The following EXOC6B variants were observed in gnomAD, a reference collection of about 807,000 sequenced individuals.
The protein encoded by EXOC6B is exocyst complex component 6B, also known as SEC15 homolog B.
EXOC6B carries 54 observed loss-of-function variants against 113.5 expected under a neutral mutation model. The observed-to-expected ratio is 0.48, with a 90% CI of 0.38 to 0.60. EXOC6B has a LOEUF of 0.60. Ranked by LOEUF, EXOC6B falls within the 20% of genes least tolerant of loss-of-function variation. EXOC6B has a pLI of 0.00. For synonymous variants in EXOC6B, 357 were observed against 339.0 expected (o/e 1.05, Z -0.58); for missense variants, 797 against 977.5 (o/e 0.82, Z 2.46).
intron 18 of EXOC6B, among the ~76,000 whole-genome samples, chr2:72,380,915 A>T (rs959272593): frequency 6.6e-6 from 1 of 152,342 alleles, no homozygotes; most frequent in East Asian, 1.9e-4. Flanking sequence ...AAACACTATG[A>T]TCAAATTATT....
At chr2:72,266,099 T>A (rs1487412585) in intron 20 of EXOC6B, among the ~76,000 whole-genome samples, 1 of 152,100 alleles carries the variant, frequency 6.6e-6, no homozygotes, top group African/African-American at 2.4e-5. Context: ...GTTGATGGGG[T>A]TGTTTGTTTT....
At chr2:72,193,957 G>A (rs1039057682) in intron 20 of EXOC6B, among the ~76,000 whole-genome samples, 1 of 152,164 alleles carries the variant, frequency 6.6e-6, no homozygotes, top group Non-Finnish European at 1.5e-5. Context: ...AATTATCTAT[G>A]CTGCTTTTAT....
In EXOC6B at chr2:72,698,613, G is replaced by GA. The variant is rs145074395; in HGVS notation, c.669+19489dup. ...ACTGTACAACAGAAATAAGGAGCAA[G>GA]AAAAAAATAAGTGGCAAAAGCTTGA... On this transcript the variant is annotated intron_variant, in intron 6 of 21. Coordinates refer to ENST00000272427, the MANE Select transcript of EXOC6B (RefSeq NM_015189.3). Among the ~76,000 whole-genome samples the GA allele has an allele frequency of 2.3e-3, 350 of 152,096 alleles. 4 individuals are homozygous for GA. Among genetic ancestry groups the GA allele is most frequent in the Non-Finnish European group, 2.7e-3 (181 of 67,970 alleles).
intron 6 of EXOC6B, among the ~76,000 whole-genome samples, chr2:72,577,221 A>C (rs547525167): frequency 6.6e-6 from 1 of 152,172 alleles, no homozygotes; most frequent in South Asian, 2.1e-4. Flanking sequence ...AAGTACCCCA[A>C]ATCATTTAAT....
chr2:72,389,507 A>G (rs993890581), intron 18 of EXOC6B, among the ~76,000 whole-genome samples: 20 of 152,016 alleles, frequency 1.3e-4, no homozygotes, highest in African/African-American at 4.6e-4. Context: ...TTGCTCCTCT[A>G]TGTAGATGCA....
Position 72,698,994 on chromosome 2 carries a change from A to G in EXOC6B, c.669+19109T>C, listed in dbSNP as rs1231836276. On this transcript the variant is annotated intron_variant, in intron 6 of 21. Coordinates refer to ENST00000272427, the MANE Select transcript of EXOC6B (RefSeq NM_015189.3). Reference sequence around the variant, plus strand: ...ATCTAGAGGGCTCTCACAAGAACATATATCTATTTCAGAGAGTGTCTAAAT... The same window carrying G: ...ATCTAGAGGGCTCTCACAAGAACATGTATCTATTTCAGAGAGTGTCTAAAT... Among the ~76,000 whole-genome samples, 3 of 152,236 alleles carry G rather than the reference A, an allele frequency of 2.0e-5. No homozygotes were observed. In the East Asian group the frequency reaches 5.8e-4, roughly 29 times the overall value.
intron 17 of EXOC6B, among the ~76,000 whole-genome samples, chr2:72,475,216 G>A (rs1324017380): frequency 6.6e-6 from 1 of 152,100 alleles, no homozygotes; most frequent in Non-Finnish European, 1.5e-5. Context: ...GCCAATTGTT[G>A]AGTTTCCAGA....
At chr2:72,189,821 ATTCT>A (rs1678702204) in intron 20 of EXOC6B, among the ~76,000 whole-genome samples, 1 of 67,186 alleles carries the variant, frequency 1.5e-5, no homozygotes, top group South Asian at 4.6e-4. Context: ...TCTTTCCTTC[ATTCT>A]CTCTGTCTCT....
intron 6 of EXOC6B, among the ~76,000 whole-genome samples, chr2:72,632,295 T>C (rs1672524033): frequency 6.6e-6 from 1 of 152,160 alleles, no homozygotes; most frequent in African/African-American, 2.4e-5. Context: ...AAAAGAATAA[T>C]ATCTGTTGGC....
chr2:72,695,246 GC>G (rs2104606519), intron 6 of EXOC6B, among the ~76,000 whole-genome samples: 2 of 152,234 alleles, frequency 1.3e-5, no homozygotes, highest in East Asian at 3.9e-4. Flanking sequence ...TTTTAGCAAG[GC>G]TTTTCTAGTA....
chr2:72,547,435 T>C (rs971027957), intron 8 of EXOC6B, among the ~76,000 whole-genome samples: 1 of 152,190 alleles, frequency 6.6e-6, no homozygotes, highest in Admixed American at 6.5e-5. Flanking sequence ...ATTTTTTAAA[T>C]CTAGGAATTT....
chr2:72,263,152 T>A (rs2104590330), intron 20 of EXOC6B: 1 of 152,280 alleles, frequency 6.6e-6, no homozygotes, highest in Non-Finnish European at 1.5e-5. Context: ...ATTAACCGGC[T>A]CCCAGAGTGA....
At chr2:72,632,523 C>T (rs1380012392) in intron 6 of EXOC6B, among the ~76,000 whole-genome samples, 1 of 151,748 alleles carries the variant, frequency 6.6e-6, no homozygotes, top group Non-Finnish European at 1.5e-5. Context: ...TTTTTAAAAC[C>T]TGGAAATAAT....
At chr2:72,227,700 T>C (rs760333987) in intron 20 of EXOC6B, among the ~76,000 whole-genome samples, 5 of 152,318 alleles carry the variant, frequency 3.3e-5, no homozygotes, top group Non-Finnish European at 7.4e-5. Flanking sequence ...GCCACAAAGA[T>C]GCTATAAAGC....
chr2:72,227,447 C>T (rs534250268), intron 20 of EXOC6B, among the ~76,000 whole-genome samples: 1 of 151,986 alleles, frequency 6.6e-6, no homozygotes, highest in South Asian at 2.1e-4. Flanking sequence ...TCTGAAAACA[C>T]ACAAATACAC....
At chr2:72,707,862 GA>G in intron 6 of EXOC6B, among the ~76,000 whole-genome samples, 1 of 152,148 alleles carries the variant, frequency 6.6e-6, no homozygotes, top group African/African-American at 2.4e-5. Flanking sequence ...GATTAGGTGA[GA>G]AAGAGACATT....
At position 72,509,165 on chromosome 2, in the gene EXOC6B, C is replaced by T. The variant is rs115311705; in HGVS notation, c.1167+3967G>A. Among the ~76,000 whole-genome samples, 750 of 152,292 alleles carry T rather than the reference C, an allele frequency of 4.9e-3. 11 individuals are homozygous for T. Among genetic ancestry groups the T allele is most frequent in the African/African-American group, 0.017 (697 of 41,552 alleles). On this transcript the variant is annotated intron_variant, in intron 11 of 21. Transcript: ENST00000272427. Reference sequence around the variant, plus strand: ...GCAATCCTTCTTCAGCAGGCATACACTGAGGAAAGGTCAAGTGAGGACAGA... The same window carrying T: ...GCAATCCTTCTTCAGCAGGCATACATTGAGGAAAGGTCAAGTGAGGACAGA...
At chr2:72,253,818 C>T (rs1683172566) in intron 20 of EXOC6B, among the ~76,000 whole-genome samples, 1 of 152,106 alleles carries the variant, frequency 6.6e-6, no homozygotes, top group Non-Finnish European at 1.5e-5. Context: ...ACCTACACAA[C>T]AAACCTGCAC....
chr2:72,557,205 G>C (rs1018466766), intron 8 of EXOC6B, among the ~76,000 whole-genome samples: 4 of 142,352 alleles, frequency 2.8e-5, no homozygotes, highest in African/African-American at 1.0e-4. Context: ...ACATATATTA[G>C]TGTTATTATT....
Sources: allele counts gnomAD v4.1 joint callset (sites outside exome capture counted in the v4.1 genomes callset), GRCh38; gene constraint gnomAD v4.1.1; transcripts MANE v1.5; gene names NCBI Gene and HGNC (gene_info 2026-07-23, HGNC 2026-07-21).